The following TBCD variants were observed in gnomAD, a reference collection of about 807,000 sequenced individuals.
The protein encoded by TBCD is tubulin-specific chaperone D.
A neutral mutation model predicts 169.3 loss-of-function variants in TBCD; 105 were observed. The ratio of observed to expected loss-of-function variants is 0.62; its 90% CI spans 0.53 to 0.73. The LOEUF is 0.73. Ranked by LOEUF, TBCD falls within the 30% of genes least tolerant of loss-of-function variation. The probability of loss-of-function intolerance (pLI) is 0.00; values close to 1 mark genes in which losing one functional copy is unlikely to be tolerated. For synonymous variants in TBCD, 700 were observed against 643.9 expected (o/e 1.09, Z -1.32); for missense variants, 1,444 against 1,600.1 (o/e 0.90, Z 1.66).
chr17:82,926,397 C>A lies in TBCD; in HGVS notation c.2380-3C>A, dbSNP rs1388496357. The A allele has an allele frequency of 6.2e-7, 1 of 1,613,738 alleles. No homozygotes were observed. Among genetic ancestry groups the A allele is most frequent in the South Asian group, 1.1e-5 (1 of 91,074 alleles). ...TCTTCTGTGATTCTTTATTGCTTTC[C>A]AGGTTCTCACAGGTTTAAGAGCAGT... On this transcript the variant is annotated splice_region_variant and splice_polypyrimidine_tract_variant and intron_variant, in intron 27 of 38. Transcript: ENST00000355528.
chr17:82,883,778 G>A (rs534693991), intron 14 of TBCD, among the ~76,000 whole-genome samples: 3 of 152,206 alleles, frequency 2.0e-5, no homozygotes, highest in South Asian at 2.1e-4. Flanking sequence ...AGGGCACTCC[G>A]TTTCTGTCTT....
chr17:82,845,610 C>T (rs1334011265), intron 13 of TBCD, among the ~76,000 whole-genome samples: 1 of 152,202 alleles, frequency 6.6e-6, no homozygotes, highest in Non-Finnish European at 1.5e-5. Context: ...CTCCCTCCGT[C>T]CTGTCCGGCT....
chr17:82,777,747 G>A (rs1032817176), intron 6 of TBCD, among the ~76,000 whole-genome samples: 1 of 152,230 alleles, frequency 6.6e-6, no homozygotes, highest in Admixed American at 6.5e-5. Context: ...AGCATCACAG[G>A]GAGACGGTTA....
At chr17:82,888,978 A>G (rs991634463) in intron 15 of TBCD, among the ~76,000 whole-genome samples, 1 of 152,130 alleles carries the variant, frequency 6.6e-6, no homozygotes, top group Middle Eastern at 3.2e-3. Context: ...TCCAGCCCTG[A>G]GAACTCGGAG....
intron 2 of TBCD, among the ~76,000 whole-genome samples, chr17:82,763,467 C>CGGT (rs1428080755): frequency 6.6e-6 from 1 of 152,062 alleles, no homozygotes; most frequent in Non-Finnish European, 1.5e-5. Context: ...GGGCCAGGTG[C>CGGT]GGTGGGCTCA....
chr17:82,827,378 G>GA (rs1029151057), intron 13 of TBCD, among the ~76,000 whole-genome samples: 6 of 152,168 alleles, frequency 3.9e-5, no homozygotes, highest in African/African-American at 1.4e-4. Context: ...AAAAGTGAGA[G>GA]AAAGGGCTGT....
At chr17:82,934,193 G>T (rs988455969) in intron 34 of TBCD, among the ~76,000 whole-genome samples, 1 of 152,212 alleles carries the variant, frequency 6.6e-6, no homozygotes, top group Non-Finnish European at 1.5e-5. Context: ...GGAATTTCCC[G>T]CTTCTCACCA....
At chr17:82,885,592 A>G (rs955986245) in intron 15 of TBCD, among the ~76,000 whole-genome samples, 1 of 152,184 alleles carries the variant, frequency 6.6e-6, no homozygotes, top group African/African-American at 2.4e-5. Flanking sequence ...ACCCAAAGGC[A>G]GTAAATGTAA....
At chr17:82,901,356 G>A (rs2059879740) in intron 18 of TBCD, among the ~76,000 whole-genome samples, 1 of 152,216 alleles carries the variant, frequency 6.6e-6, no homozygotes, top group Non-Finnish European at 1.5e-5. Flanking sequence ...GTGCCTGTGG[G>A]TGGAGGTGGC....
intron 13 of TBCD, among the ~76,000 whole-genome samples, chr17:82,852,786 TG>T (rs745986045): frequency 6.6e-6 from 1 of 152,112 alleles, no homozygotes; most frequent in Non-Finnish European, 1.5e-5. Context: ...GGTAGACGTT[TG>T]GGTTGTTTCC....
intron 18 of TBCD, 117 bp downstream of exon 18, chr17:82,900,848 C>T: frequency 3.9e-6 from 3 of 766,066 alleles, no homozygotes; most frequent in Non-Finnish European, 6.6e-6. Context: ...TTTAAAATAA[C>T]TTCTGAGAAG....
chr17:82,800,779 C>G, intron 8 of TBCD, 85 bp from the exon 9 acceptor site: 1 of 1,503,562 alleles, frequency 6.7e-7, no homozygotes, highest in Non-Finnish European at 8.9e-7. Context: ...CCCTGTGGAG[C>G]CGGCTGTTGG....
intron 11 of TBCD, 67 bp from the exon 12 acceptor site, chr17:82,809,641 C>T (rs143716865): frequency 1.5e-5 from 22 of 1,516,428 alleles, no homozygotes; most frequent in African/African-American, 2.7e-5. Flanking sequence ...GCCATTCACA[C>T]GTGTCACGCA....
At chr17:82,804,076 A>G (rs2050773060) in intron 9 of TBCD, among the ~76,000 whole-genome samples, 1 of 24,652 alleles carries the variant, frequency 4.1e-5, no homozygotes, top group African/African-American at 1.7e-4. Flanking sequence ...TGTAGAGTTT[A>G]GGGGAGAGTG....
rs1288863735 is a variant in TBCD at position 82,797,749 on chromosome 17, T to C, written c.772-8T>C. The C allele has an allele frequency of 6.4e-7, 1 of 1,562,724 alleles. No homozygotes were observed. Among genetic ancestry groups the C allele is most frequent in the African/African-American group, 1.4e-5 (1 of 72,494 alleles). On this transcript the variant is annotated splice_region_variant and splice_polypyrimidine_tract_variant and intron_variant, in intron 7 of 38. Transcript: ENST00000355528. The stretch of plus-strand genomic sequence containing the variant: ...TGTAACATTAAAAATCTTTTTTTTT[T>C]TTTTTAGGCACAAATATTTAAACAT...
intron 13 of TBCD, among the ~76,000 whole-genome samples, chr17:82,852,123 G>A (rs930584995): frequency 1.3e-5 from 2 of 151,562 alleles, no homozygotes; most frequent in African/African-American, 4.8e-5. Flanking sequence ...ACGCTCCTTC[G>A]CTGTCATCCC....
intron 13 of TBCD, among the ~76,000 whole-genome samples, chr17:82,837,382 G>C (rs1214806165): frequency 6.6e-6 from 1 of 152,190 alleles, no homozygotes; most frequent in Non-Finnish European, 1.5e-5. Context: ...AGAGTATGTT[G>C]TTGCCCAAAC....
chr17:82,830,359 C>T lies in TBCD; in HGVS notation c.1318+15425C>T, dbSNP rs376046352. 13 of 1,613,306 alleles carry T rather than the reference C, an allele frequency of 8.1e-6. No individual in the cohort carries two copies. In the African/African-American group the frequency reaches 1.2e-4, roughly 15 times the overall value. ...TTCCGGGGCCGCAGCATCCCCATCGCCCACCCGGATGTTCCTGGGGCTGTA... is the reference window on the plus strand; with the variant it reads ...TTCCGGGGCCGCAGCATCCCCATCGTCCACCCGGATGTTCCTGGGGCTGTA... On this transcript the variant is annotated intron_variant, in intron 13 of 38. Coordinates refer to ENST00000355528, the MANE Select transcript of TBCD (RefSeq NM_005993.5).
At chr17:82,824,189 T>C (rs934452417) in intron 13 of TBCD, among the ~76,000 whole-genome samples, 2 of 152,070 alleles carry the variant, frequency 1.3e-5, no homozygotes, top group Non-Finnish European at 2.9e-5. Context: ...CTTTTATTTT[T>C]ATTTTTTTTT....
Sources: gnomAD v4.1 joint callset for allele counts (sites outside exome capture counted in the v4.1 genomes callset) on GRCh38, gnomAD v4.1.1 for gene constraint, MANE v1.5 for transcripts, NCBI Gene and HGNC (gene_info 2026-07-23, HGNC 2026-07-21) for gene names.